ITFG2: variants seen among roughly 807,000 people sequenced by gnomAD.
ITFG2 encodes integrin alpha FG-GAP repeat containing 2.
ITFG2 carries 36 observed loss-of-function variants against 54.4 expected under a neutral mutation model. That is an observed-to-expected ratio of 0.66 (90% CI 0.51 to 0.87). The LOEUF is 0.87. Ranked by LOEUF, ITFG2 falls within the 40% of genes least tolerant of loss-of-function variation. The pLI, the probability that ITFG2 is intolerant of heterozygous loss-of-function variation, is 0.00. For missense variants in ITFG2, 524 were observed against 576.7 expected, an observed-to-expected ratio of 0.91 and a Z score of 0.94; for synonymous variants, 211 against 225.4, an observed-to-expected ratio of 0.94 and a Z score of 0.57.
At chr12:2,830,378 A>C (rs1209881935) in intron 2 of ITFG2, 1 of 208,754 alleles carries the variant, frequency 4.8e-6, no homozygotes, top group Non-Finnish European at 9.5e-6. Context: ...GCCTTAGAAC[A>C]CATGAGTTTT....
chr12:2,839,688 A>G (rs1297208089), intron 1 of ITFG2, among the ~76,000 whole-genome samples: 1 of 152,180 alleles, frequency 6.6e-6, no homozygotes, highest in Non-Finnish European at 1.5e-5. Context: ...ATTCTAATGG[A>G]ACAGGTAGAT....
upstream of ITFG2, among the ~76,000 whole-genome samples, chr12:2,833,824 T>G (rs528166535): frequency 8.5e-5 from 13 of 152,302 alleles, 1 homozygote; most frequent in South Asian, 2.7e-3. Context: ...AACAATCCTA[T>G]GATTGATTTG....
chr12:2,857,127 T>C, intron 2 of ITFG2: 1 of 701,440 alleles, frequency 1.4e-6, no homozygotes, highest in Non-Finnish European at 2.6e-6. Flanking sequence ...GCTTGAGTGG[T>C]GATGCAGAGA....
downstream of ITFG2, chr12:2,827,798 A>G: frequency 6.2e-7 from 1 of 1,603,828 alleles, no homozygotes; most frequent in Non-Finnish European, 8.5e-7. This position sits in a 1 kb window ranked among gnomAD's most constrained non-coding sequence, Gnocchi z 4.0. Context: ...ACTGGCACAG[A>G]GATGGGGGAT....
chr12:2,855,280 C>A (rs999847870), intron 2 of ITFG2: 2 of 1,517,678 alleles, frequency 1.3e-6, no homozygotes, highest in Non-Finnish European at 8.8e-7. Flanking sequence ...GTGGATGAGC[C>A]GCTGACGCAC....
chr12:2,828,244 A>T (rs979456545), downstream of ITFG2: 11 of 1,250,948 alleles, frequency 8.8e-6, no homozygotes, highest in Non-Finnish European at 1.3e-5. Flanking sequence ...AAAATATGCA[A>T]CTGTCGTCAC....
In ITFG2 at chr12:2,823,872, A is replaced by G. The variant is rs780738667; in HGVS notation, c.1169A>G (p.Glu390Gly). ...VYWEVQLERMESTNLVKLLET... is the reference protein window; with the variant it reads ...VYWEVQLERMGSTNLVKLLET... Reference sequence around the variant, plus strand: ...TGGGAGGTGCAGCTGGAGCGGATGGAGTCTACCAATCTGGTGAAACTGCTG... The same window carrying G: ...TGGGAGGTGCAGCTGGAGCGGATGGGGTCTACCAATCTGGTGAAACTGCTG... The change falls in exon 11 of 12, where the codon GAG becomes GGG. Residue 390 changes from glutamate to glycine, a missense_variant. Transcript: ENST00000228799. The G allele has an allele frequency of 6.2e-7, 1 of 1,613,572 alleles. No homozygotes were observed. The highest frequency in any genetic ancestry group is 1.7e-5 in the Admixed American group (1 of 59,974).
chr12:2,847,346 G>A (rs1259556113), intron 2 of ITFG2, among the ~76,000 whole-genome samples: 2 of 152,010 alleles, frequency 1.3e-5, no homozygotes, highest in Non-Finnish European at 2.9e-5. Flanking sequence ...ATCCCCAACA[G>A]AAACCCTGTA....
chr12:2,854,949 T>C, intron 2 of ITFG2: 1 of 1,536,016 alleles, frequency 6.5e-7, no homozygotes, highest in Non-Finnish European at 8.7e-7. Context: ...GTGGGGGTGC[T>C]CTTGCCTCAC....
intron 1 of ITFG2, chr12:2,837,015 T>G (rs139698200): frequency 6.6e-6 from 1 of 152,366 alleles, no homozygotes; most frequent in East Asian, 1.9e-4. Context: ...TACTTTGTTA[T>G]GGCATCCCCA....
At chr12:2,829,087 GT>G (rs2097986205), downstream of ITFG2, among the ~76,000 whole-genome samples, 1 of 152,126 alleles carries the variant, frequency 6.6e-6, no homozygotes, top group Non-Finnish European at 1.5e-5. Flanking sequence ...GGGTTCATAA[GT>G]TTGGGGAAGA....
intron 10 of ITFG2, among the ~76,000 whole-genome samples, 184 bp downstream of exon 10, chr12:2,823,095 A>T (rs546573934): frequency 4.6e-5 from 7 of 151,886 alleles, no homozygotes; most frequent in East Asian, 1.9e-4. Context: ...GTAAGTCTTC[A>T]TTCACCGTGA....
downstream of ITFG2, chr12:2,827,413 C>T (rs1181235296): frequency 2.0e-6 from 3 of 1,519,246 alleles, no homozygotes; most frequent in South Asian, 2.6e-5. This position sits in a 1 kb window ranked among gnomAD's most constrained non-coding sequence, Gnocchi z 4.0. Context: ...TTTTGCTCTT[C>T]CCCCATCCCC....
intron 2 of ITFG2, among the ~76,000 whole-genome samples, chr12:2,843,792 GAC>G (rs1239476418): frequency 0.013 from 1,950 of 146,740 alleles, 19 homozygotes; most frequent in East Asian, 0.039. Context: ...CAGCCTGGGT[GAC>G]AGAGCGAGAC....
chr12:2,818,016 C>T (rs372931740), intron 3 of ITFG2, 66 bp downstream of exon 3: 19 of 1,609,776 alleles, frequency 1.2e-5, no homozygotes, highest in Non-Finnish European at 1.4e-5. Context: ...AGGTTAAAGG[C>T]TTCAGCTCTG....
At chr12:2,848,877 GCACACACACA>G (rs3056877) in intron 2 of ITFG2, among the ~76,000 whole-genome samples, 7 of 140,372 alleles carry the variant, frequency 5.0e-5, no homozygotes, top group South Asian at 2.3e-4. Context: ...ACACACACAC[GCACACACACA>G]CACACACACA....
At chr12:2,851,618 C>T (rs1459931152) in intron 2 of ITFG2, among the ~76,000 whole-genome samples, 1 of 152,164 alleles carries the variant, frequency 6.6e-6, no homozygotes, top group East Asian at 1.9e-4. Flanking sequence ...GTTGGGATTA[C>T]AGGCGTGAGC....
In ITFG2 at chr12:2,822,886, T is replaced by A. The variant is rs368527475; in HGVS notation, c.1041T>A (p.Asp347Glu). 1 of 1,613,996 alleles carries A rather than the reference T, an allele frequency of 6.2e-7. No individual in the cohort carries two copies. The highest frequency in any genetic ancestry group is 8.5e-7 in the Non-Finnish European group (1 of 1,179,986). The stretch of plus-strand genomic sequence containing the variant: ...GCACCGTCGTCCGCTTCCAAGTGGA[T>A]GAAAATATCCGTGCCTTCTGTGCAG... The part of the protein sequence containing the change: ...HNRTVVRFQV[D>E]ENIRAFCAGL... The change falls in exon 10 of 12, where the codon GAT becomes GAA. Residue 347 changes from aspartate to glutamate, a missense_variant. Asp to Glu is a conservative substitution (Grantham distance 45, BLOSUM62 2). Transcript: ENST00000228799.
chr12:2,836,923 A>T (rs906909552), exon 1 of ITFG2: 3 of 152,238 alleles, frequency 2.0e-5, no homozygotes, highest in African/African-American at 7.2e-5. Flanking sequence ...AACCCTGCCA[A>T]CACCTTCCTG....
Sources: allele counts gnomAD v4.1 joint callset (sites outside exome capture counted in the v4.1 genomes callset), GRCh38; gene constraint gnomAD v4.1.1; non-coding constraint Gnocchi (gnomAD v3.1); transcripts MANE v1.5; gene names NCBI Gene and HGNC (gene_info 2026-07-23, HGNC 2026-07-21).